Variants in INPP5B observed in about 807,000 individuals in gnomAD.
The protein encoded by INPP5B is inositol polyphosphate-5-phosphatase B, also known as type II inositol 1,4,5-trisphosphate 5-phosphatase.
In INPP5B, 90 loss-of-function variants were observed where a neutral mutation model predicts 118.5. That is an observed-to-expected ratio of 0.76 (90% confidence interval 0.64 to 0.90). INPP5B has a LOEUF of 0.90. INPP5B is among the 40% of genes least tolerant of loss of function. The pLI, the probability that INPP5B is intolerant of heterozygous loss-of-function variation, is 0.00. For missense variants in INPP5B, 984 were observed against 1,125.6 expected, an observed-to-expected ratio of 0.87 and a Z score of 1.80; for synonymous variants, 385 against 418.9, an observed-to-expected ratio of 0.92 and a Z score of 0.99.
At chr1:37,945,426 C>T (rs1405245234) in intron 3 of INPP5B, among the ~76,000 whole-genome samples, 1 of 152,110 alleles carries the variant, frequency 6.6e-6, no homozygotes, top group Non-Finnish European at 1.5e-5. Flanking sequence ...ACCAAGACTC[C>T]TTCTCAAAAC....
chr1:37,882,722 A>G, intron 14 of INPP5B, 85 bp downstream of exon 14: 2 of 950,604 alleles, frequency 2.1e-6, no homozygotes, highest in Non-Finnish European at 3.3e-6. Context: ...AAGGAGGAAG[A>G]GGCTGCGAGT....
chr1:37,919,155 T>C (rs948140098), intron 7 of INPP5B, among the ~76,000 whole-genome samples: 1 of 152,156 alleles, frequency 6.6e-6, no homozygotes, highest in South Asian at 2.1e-4. Flanking sequence ...ACGATGTGAA[T>C]AGAAGGTTTA....
chr1:37,894,561 C>CTTTTTTTTT (rs759895009), intron 7 of INPP5B, among the ~76,000 whole-genome samples: 3 of 139,044 alleles, frequency 2.2e-5, no homozygotes, highest in Non-Finnish European at 4.7e-5. Context: ...TTTCTTTTTT[C>CTTTTTTTTT]TTTTTTTTTT....
chr1:37,880,927 T>C (rs1235034091), intron 14 of INPP5B, among the ~76,000 whole-genome samples: 1 of 152,162 alleles, frequency 6.6e-6, no homozygotes, highest in Non-Finnish European at 1.5e-5. Flanking sequence ...CTCACTATAT[T>C]GCCTAGGCTG....
chr1:37,920,644 GAC>G (rs1428060432), intron 7 of INPP5B, among the ~76,000 whole-genome samples: 1 of 150,352 alleles, frequency 6.7e-6, no homozygotes, highest in Non-Finnish European at 1.5e-5. Flanking sequence ...CAGCCTGGGC[GAC>G]AGAGTGAGAC....
chr1:37,891,520 A>G, intron 7 of INPP5B, 66 bp from the exon 8 acceptor site: 2 of 1,216,888 alleles, frequency 1.6e-6, no homozygotes, highest in Admixed American at 3.5e-5. Context: ...CATGCCTGTA[A>G]TCCCAGCACT....
chr1:37,928,185 T>C (rs78884460), intron 7 of INPP5B, among the ~76,000 whole-genome samples: 13,947 of 152,076 alleles, frequency 0.092, 799 homozygotes, highest in Middle Eastern at 0.23. Context: ...CTTTTTTTTT[T>C]CTGAGGGGAC....
In INPP5B at chr1:37,946,138, C is replaced by G. The variant is rs1646102448; in HGVS notation, c.57+114G>C. The G allele has an allele frequency of 4.9e-6, 5 of 1,010,428 alleles. No individual in the cohort carries two copies. In the African/African-American group the frequency reaches 8.0e-5, roughly 16 times the overall value. The allele number at this position is 1,010,428 out of a possible 1,614,324, so 62.6% of individuals were successfully genotyped here. A position where few individuals can be genotyped will look rare whatever the true frequency, so the allele number is the denominator to read the frequency against. On this transcript the variant is annotated intron_variant, in intron 2 of 23. Transcript: ENST00000373024. ...TAAGTACTTAGTAAATACTGATTTC[C>G]TTCTCCCCTGATGGTTCAGAGGGGC...
In INPP5B at chr1:37,945,747, C is replaced by T. The variant is rs1316880593; in HGVS notation, c.152+9G>A. ...GCCCAGACAGGTGGGGACCAAGCCC[C>T]TCACTCACGCGTGTTCCTGGCCGCC... On this transcript the variant is annotated intron_variant, in intron 3 of 23. Transcript: ENST00000373024. 8.7e-6 allele frequency: 14 copies of T among 1,609,872 alleles called. No individual in the cohort carries two copies. In the African/African-American group the frequency reaches 1.1e-4, roughly 12 times the overall value.
At chr1:37,869,023 C>T (rs1467109924) in intron 19 of INPP5B, among the ~76,000 whole-genome samples, 2 of 152,024 alleles carry the variant, frequency 1.3e-5, no homozygotes, top group Non-Finnish European at 2.9e-5. Flanking sequence ...GACGGAGTCT[C>T]ACTCTGTCAC....
At chr1:37,922,311 C>G (rs1645085216) in intron 7 of INPP5B, among the ~76,000 whole-genome samples, 1 of 151,716 alleles carries the variant, frequency 6.6e-6, no homozygotes, top group Non-Finnish European at 1.5e-5. Context: ...ACTGCTTGAA[C>G]CTGGGAGGTG....
chr1:37,924,276 C>A (rs188831318), intron 7 of INPP5B, among the ~76,000 whole-genome samples: 57 of 151,972 alleles, frequency 3.8e-4, no homozygotes, highest in African/African-American at 1.3e-3. Context: ...TCAAGCGATT[C>A]TCGTACCTCA....
intron 7 of INPP5B, among the ~76,000 whole-genome samples, chr1:37,895,928 C>A (rs1644028455): frequency 6.6e-6 from 1 of 152,122 alleles, no homozygotes; most frequent in Admixed American, 6.5e-5. Flanking sequence ...CTCTGCCCGG[C>A]CACCACCCCG....
intron 15 of INPP5B, 26 bp from the exon 16 acceptor site, chr1:37,878,349 G>A (rs1396348870): frequency 6.2e-7 from 1 of 1,613,028 alleles, no homozygotes; most frequent in East Asian, 2.2e-5. Context: ...CACACTGGAA[G>A]TACTCACAGA....
chr1:37,940,644 C>T, intron 6 of INPP5B, 44 bp downstream of exon 6: 1 of 1,188,074 alleles, frequency 8.4e-7, no homozygotes, highest in South Asian at 1.2e-5. Context: ...TAGGTGAATA[C>T]CCAGCAACCC....
At position 37,901,053 on chromosome 1, in the gene INPP5B, G is replaced by A. The variant is rs1450369159; in HGVS notation, c.533-9599C>T. ...TCTCGAACTCCTGACTTGGTGATCC[G>A]CCTGCCTCGGCCTCTCAAAGTGCCG... On this transcript the variant is annotated intron_variant, in intron 7 of 23. Transcript: ENST00000373024. Among the ~76,000 whole-genome samples, 4 of 152,166 alleles carry A rather than the reference G, an allele frequency of 2.6e-5. 1 individual carries two copies. In the South Asian group the frequency reaches 6.2e-4, roughly 24 times the overall value.
At position 37,862,131 on chromosome 1, in the gene INPP5B, C is replaced by G. The variant is rs1328114871; in HGVS notation, c.*184G>C. The G allele has an allele frequency of 1.9e-5, 10 of 521,032 alleles. No homozygotes were observed. The highest frequency in any genetic ancestry group is 3.1e-5 in the Non-Finnish European group (9 of 291,124). 32.3% of individuals were successfully genotyped at this position (521,032 alleles called of 1,614,324 possible). A position where few individuals can be genotyped will look rare whatever the true frequency, so the allele number is the denominator to read the frequency against. ...TATTATGGTGGATTTTCTCCCGTGTCTTCACGACTCACAGCGCTGAGTGTG... is the reference window on the plus strand; with the variant it reads ...TATTATGGTGGATTTTCTCCCGTGTGTTCACGACTCACAGCGCTGAGTGTG... On this transcript the variant is annotated 3_prime_UTR_variant, in exon 24 of 24. Transcript: ENST00000373024.
intron 7 of INPP5B, among the ~76,000 whole-genome samples, chr1:37,896,751 G>C (rs1452380421): frequency 7.2e-6 from 1 of 139,294 alleles, no homozygotes; most frequent in African/African-American, 2.6e-5. Flanking sequence ...CGCCCGGCCA[G>C]CCGCCCCGTC....
intron 3 of INPP5B, among the ~76,000 whole-genome samples, 191 bp from the exon 4 acceptor site, chr1:37,944,084 C>T (rs988803661): frequency 4.6e-5 from 7 of 152,152 alleles, no homozygotes; most frequent in African/African-American, 1.7e-4. Flanking sequence ...TGGATGAGGT[C>T]ATCAAACCAG....
Sources: gnomAD v4.1 joint callset for allele counts (sites outside exome capture counted in the v4.1 genomes callset) on GRCh38, gnomAD v4.1.1 for gene constraint, MANE v1.5 for transcripts, NCBI Gene and HGNC (gene_info 2026-07-23, HGNC 2026-07-21) for gene names.